ENOX2: variants seen among roughly 807,000 people sequenced by gnomAD.
The protein encoded by ENOX2 is ecto-NOX disulfide-thiol exchanger 2.
A neutral mutation model predicts 45.0 loss-of-function variants in ENOX2; 36 were observed. The observed-to-expected ratio is 0.80, with a 90% CI of 0.61 to 1.06. ENOX2 has a LOEUF of 1.06. Among genes scored for constraint, ENOX2 ranks in the 50% least tolerant of loss-of-function variants. ENOX2 has a pLI of 0.00. For missense variants in ENOX2, 423 were observed against 462.5 expected, an observed-to-expected ratio of 0.91 and a Z score of 0.78; for synonymous variants, 174 against 152.3, an observed-to-expected ratio of 1.14 and a Z score of -1.05.
At chrX:130,653,741 C>T (rs1270113483) in intron 10 of ENOX2, among the ~76,000 whole-genome samples, 1 of 112,090 alleles carries the variant, frequency 8.9e-6, no homozygotes, top group Non-Finnish European at 1.9e-5. Flanking sequence ...GCTTATAGGA[C>T]ATAGTGCTTG....
chrX:130,768,488 C>T (rs2039665321), intron 3 of ENOX2, among the ~76,000 whole-genome samples: 1 of 111,904 alleles, frequency 8.9e-6, no homozygotes, highest in Non-Finnish European at 1.9e-5. Flanking sequence ...TCTTTCCAAC[C>T]ACCCCAGCCT....
intron 3 of ENOX2, among the ~76,000 whole-genome samples, chrX:130,720,472 C>G (rs1023520638): frequency 4.5e-5 from 5 of 112,211 alleles, no homozygotes; most frequent in Non-Finnish European, 1.9e-5. Context: ...TACTCACCCT[C>G]TCGGCTGTAG....
At chrX:130,833,020 C>CAT (rs2077864470) in intron 2 of ENOX2, among the ~76,000 whole-genome samples, 3 of 106,885 alleles carry the variant, frequency 2.8e-5, no homozygotes, top group Non-Finnish European at 5.8e-5. Context: ...ATCACACACA[C>CAT]ACACACACAC....
At chrX:130,800,519 C>T (rs2077199805) in intron 2 of ENOX2, among the ~76,000 whole-genome samples, 1 of 111,345 alleles carries the variant, frequency 9.0e-6, no homozygotes, top group South Asian at 3.8e-4. Context: ...TGGAACTTTG[C>T]CTAATCAGCT....
At chrX:130,709,636 TCA>T (rs2038130288) in intron 3 of ENOX2, among the ~76,000 whole-genome samples, 1 of 46,513 alleles carries the variant, frequency 2.1e-5, no homozygotes, top group African/African-American at 9.3e-5. Context: ...AGACTCTGTC[TCA>T]AAAAAAAAAA....
At chrX:130,838,539 T>C (rs771806810) in intron 2 of ENOX2, among the ~76,000 whole-genome samples, 1 of 112,152 alleles carries the variant, frequency 8.9e-6, no homozygotes, top group East Asian at 2.8e-4. Context: ...TCTCCATTCC[T>C]AAGTTTTTTC....
In ENOX2 at chrX:130,627,971, C is replaced by T. The variant is rs770410543; in HGVS notation, c.1601G>A (p.Arg534His). The change falls in exon 14 of 15, where the codon CGT (arginine) becomes CAT (histidine). Residue 534 changes from arginine to histidine, a missense_variant. Transcript: ENST00000394363. Reference sequence around the variant, plus strand: ...GCCCCCATATACCTTATTATCAAGACGGTGCAAGTAGGAACAGATGTATTC... The same window carrying T: ...GCCCCCATATACCTTATTATCAAGATGGTGCAAGTAGGAACAGATGTATTC... The part of the protein sequence containing the change: ...SIEYICSYLH[R>H]LDNKICTSDV... 4 of 1,200,945 alleles carry T rather than the reference C, an allele frequency of 3.3e-6. No homozygotes were observed. The highest frequency in any genetic ancestry group is 3.0e-5 in the East Asian group (1 of 33,781).
At chrX:130,759,577 CAAA>C (rs753411112) in intron 3 of ENOX2, among the ~76,000 whole-genome samples, 148 of 19,924 alleles carry the variant, frequency 7.4e-3, no homozygotes, top group African/African-American at 0.025. Context: ...GACTATGTAC[CAAA>C]AAAAAAAAAA....
intron 4 of ENOX2, among the ~76,000 whole-genome samples, chrX:130,690,406 G>A (rs942692218): frequency 8.9e-6 from 1 of 112,043 alleles, no homozygotes; most frequent in African/African-American, 3.2e-5. Flanking sequence ...TTTAAATCTT[G>A]CCTCTAGGTC....
chrX:130,874,717 A>G (rs1364959043), intron 2 of ENOX2, among the ~76,000 whole-genome samples: 18 of 111,844 alleles, frequency 1.6e-4, no homozygotes, highest in African/African-American at 5.5e-4. Flanking sequence ...AAAAAACACA[A>G]CAACACATAT....
chrX:130,853,056 C>T (rs1366242351), intron 2 of ENOX2, among the ~76,000 whole-genome samples: 1 of 110,105 alleles, frequency 9.1e-6, no homozygotes, highest in Admixed American at 9.6e-5. Context: ...GACTTTGAGA[C>T]CCAGGGAATG....
intron 3 of ENOX2, chrX:130,709,119 G>A (rs2038113851): frequency 1.9e-6 from 1 of 527,113 alleles, no homozygotes; most frequent in Non-Finnish European, 3.2e-6. Context: ...TTGAGGCCAG[G>A]CGACACAAAC....
chrX:130,729,637 T>C (rs745541587), intron 3 of ENOX2, among the ~76,000 whole-genome samples: 1 of 112,076 alleles, frequency 8.9e-6, no homozygotes, highest in Admixed American at 9.4e-5. Flanking sequence ...CAAGGTCTGA[T>C]CATCAACTAA....
At chrX:130,822,016 C>T (rs1001145505) in intron 2 of ENOX2, among the ~76,000 whole-genome samples, 18 of 96,645 alleles carry the variant, frequency 1.9e-4, no homozygotes, top group Admixed American at 6.1e-4. Flanking sequence ...TGCAGTGAGC[C>T]GAGATCGCAC....
At position 130,743,030 on chromosome X, in the gene ENOX2, TA is replaced by T. The variant is rs1362597439; in HGVS notation, c.-38-39777del. The stretch of plus-strand genomic sequence containing the variant: ...ACTTATACTAATAAACTGCTGAGAA[TA>T]TTTGGAGCTAGAAGACAGTGAATAT... On this transcript the variant is annotated intron_variant, in intron 3 of 14. Transcript: ENST00000394363. 7.1e-5 allele frequency among the ~76,000 whole-genome samples: 8 copies of T among 112,181 alleles called. No homozygotes were observed. The East Asian group carries it at 2.2e-3, about 31-fold the overall frequency.
At chrX:130,683,537 A>T (rs1456492038) in intron 5 of ENOX2, among the ~76,000 whole-genome samples, 1 of 111,703 alleles carries the variant, frequency 9.0e-6, no homozygotes, top group Admixed American at 9.5e-5. Flanking sequence ...GTATTTTCCC[A>T]TGTTCCTGGA....
chrX:130,723,143 T>C (rs1440154784), intron 3 of ENOX2, among the ~76,000 whole-genome samples: 1 of 112,335 alleles, frequency 8.9e-6, no homozygotes, highest in African/African-American at 3.2e-5. Context: ...GGGCAGGACA[T>C]TGTTATTCAG....
At chrX:130,754,321 A>G (rs1243147837) in intron 3 of ENOX2, among the ~76,000 whole-genome samples, 1 of 112,264 alleles carries the variant, frequency 8.9e-6, no homozygotes, top group African/African-American at 3.2e-5. Context: ...CGAAAAATGC[A>G]TGGATTGTAC....
intron 2 of ENOX2, among the ~76,000 whole-genome samples, chrX:130,806,766 T>C (rs1021152993): frequency 1.8e-5 from 2 of 112,522 alleles, no homozygotes; most frequent in Non-Finnish European, 3.8e-5. Flanking sequence ...ACAAAGATGT[T>C]TCATATCATT....
Sources: allele counts gnomAD v4.1 joint callset (sites outside exome capture counted in the v4.1 genomes callset), GRCh38; gene constraint gnomAD v4.1.1; transcripts MANE v1.5; gene names NCBI Gene and HGNC (gene_info 2026-07-23, HGNC 2026-07-21).